Variants in OCA2 observed in about 807,000 individuals in gnomAD.
The protein encoded by OCA2 is P protein.
In OCA2, 77 loss-of-function variants were observed where a neutral mutation model predicts 100.2. The observed-to-expected ratio is 0.77, with a 90% CI of 0.64 to 0.93. OCA2 has a LOEUF of 0.93. Among genes scored for constraint, OCA2 ranks in the 40% least tolerant of loss-of-function variants. OCA2 has a pLI of 0.00. For missense variants in OCA2, 1,062 were observed against 1,089.1 expected, an observed-to-expected ratio of 0.98 and a Z score of 0.35; for synonymous variants, 432 against 439.2, an observed-to-expected ratio of 0.98 and a Z score of 0.21.
chr15:27,964,351 C>T (rs2040496505), intron 15 of OCA2, among the ~76,000 whole-genome samples: 1 of 152,180 alleles, frequency 6.6e-6, no homozygotes, highest in Non-Finnish European at 1.5e-5. Context: ...ATGAGTTGAA[C>T]ATTTGGTGAT....
chr15:27,851,121 G>A (rs558862547), intron 22 of OCA2, among the ~76,000 whole-genome samples: 24 of 152,254 alleles, frequency 1.6e-4, no homozygotes, highest in South Asian at 4.1e-4. Context: ...GGCACACGGC[G>A]GGAACACATT....
intron 2 of OCA2, among the ~76,000 whole-genome samples, chr15:28,036,698 C>A (rs2043054036): frequency 6.7e-6 from 1 of 149,832 alleles, no homozygotes; most frequent in Non-Finnish European, 1.5e-5. Context: ...ATCATATTGA[C>A]AAAAAATGAG....
chr15:27,834,498 G>A (rs1567005651), intron 23 of OCA2, among the ~76,000 whole-genome samples: 1 of 152,196 alleles, frequency 6.6e-6, no homozygotes, highest in Non-Finnish European at 1.5e-5. Flanking sequence ...AACCTGAGGT[G>A]AGGGGTTGCA....
At position 27,932,697 on chromosome 15, in the gene OCA2, T is replaced by TC. The variant is rs1259867262; in HGVS notation, c.1952-6444_1952-6443insG. On this transcript the variant is annotated intron_variant, in intron 18 of 23. Coordinates refer to ENST00000354638, the MANE Select transcript of OCA2 (RefSeq NM_000275.3). ...ATTTTTGTTGTGGTGGTTTGTTTGC[T>TC]TTTAGCTCCTGGAATTCAAATCAAT... Among the ~76,000 whole-genome samples the TC allele has an allele frequency of 1.1e-4, 17 of 152,296 alleles. No individual in the cohort carries two copies. In the East Asian group the frequency reaches 3.3e-3, roughly 29 times the overall value.
chr15:28,030,992 A>G (rs1310329222), intron 3 of OCA2, among the ~76,000 whole-genome samples: 1 of 152,138 alleles, frequency 6.6e-6, no homozygotes, highest in Admixed American at 6.5e-5. Context: ...GTTGATCTTC[A>G]TTGACAGATT....
At chr15:27,818,224 T>G (rs2034377042) in intron 23 of OCA2, among the ~76,000 whole-genome samples, 1 of 152,080 alleles carries the variant, frequency 6.6e-6, no homozygotes. Context: ...ACCCCATCTC[T>G]ACTAAGTATA....
chr15:28,095,352 G>T (rs574452208), intron 1 of OCA2, among the ~76,000 whole-genome samples: 2 of 152,064 alleles, frequency 1.3e-5, no homozygotes, highest in South Asian at 4.1e-4. Context: ...ACAGCCGGCA[G>T]CAGGCGCCGC....
chr15:27,917,172 C>T (rs558332589), intron 19 of OCA2, among the ~76,000 whole-genome samples: 8 of 151,690 alleles, frequency 5.3e-5, no homozygotes, highest in African/African-American at 1.9e-4. Context: ...TTGAATTAAG[C>T]TTTTGAATCA....
At chr15:27,891,205 G>A (rs1325501817) in intron 19 of OCA2, among the ~76,000 whole-genome samples, 2 of 152,064 alleles carry the variant, frequency 1.3e-5, no homozygotes. Flanking sequence ...TAATGGAAGT[G>A]GTATTGTCAC....
chr15:27,737,230 T>C, the OCA2 span, among the ~76,000 whole-genome samples: 3 of 152,236 alleles, frequency 2.0e-5, no homozygotes, highest in African/African-American at 7.2e-5. Flanking sequence ...ATGATTCTTC[T>C]CAAATTTATT....
At chr15:27,767,851 T>C (rs928495501) in intron 23 of OCA2, among the ~76,000 whole-genome samples, 11 of 152,224 alleles carry the variant, frequency 7.2e-5, no homozygotes, top group Non-Finnish European at 1.2e-4. Flanking sequence ...AGCTTTGTTC[T>C]TTCACTCTTC....
rs113231266 is a variant in OCA2 at position 28,019,137 on chromosome 15, T to C, written c.647-580A>G. On this transcript the variant is annotated intron_variant, in intron 6 of 23. Transcript: ENST00000354638. ...CCTCTGAATCTCACAGTCTCCTCCA[T>C]GTCCTCTGAGAGCCCAGGATGCAGC... Among the ~76,000 whole-genome samples, 560 of 152,104 alleles carry C rather than the reference T, an allele frequency of 3.7e-3. 4 individuals carry two copies. Among genetic ancestry groups the C allele is most frequent in the African/African-American group, 0.013 (538 of 41,464 alleles).
intron 23 of OCA2, among the ~76,000 whole-genome samples, chr15:27,824,839 G>T (rs559409575): frequency 6.6e-6 from 1 of 151,702 alleles, no homozygotes; most frequent in South Asian, 2.1e-4. Context: ...TCCCTCTGCC[G>T]AAGACAGGCC....
intron 10 of OCA2, among the ~76,000 whole-genome samples, 161 bp from the exon 11 acceptor site, chr15:27,989,827 A>G (rs2041489909): frequency 6.6e-6 from 1 of 152,196 alleles, no homozygotes; most frequent in Admixed American, 6.6e-5. Flanking sequence ...ATCGCTGCTG[A>G]AAAACAGTCT....
chr15:27,932,472 G>A (rs1423485578), intron 18 of OCA2, among the ~76,000 whole-genome samples: 1 of 151,830 alleles, frequency 6.6e-6, no homozygotes, highest in Non-Finnish European at 1.5e-5. Context: ...ATGGGGCGGG[G>A]CAGGGCAGAG....
At chr15:27,891,858 T>C (rs886507118) in intron 19 of OCA2, among the ~76,000 whole-genome samples, 1 of 151,590 alleles carries the variant, frequency 6.6e-6, no homozygotes, top group African/African-American at 2.4e-5. Flanking sequence ...ATTGAAAAAA[T>C]AACCCAACTA....
intron 2 of OCA2, among the ~76,000 whole-genome samples, chr15:28,036,641 G>A (rs1366969253): frequency 6.6e-6 from 1 of 151,926 alleles, no homozygotes. Flanking sequence ...TAGATCCCTT[G>A]GTTCTTTCTA....
At chr15:27,958,756 T>C (rs920374208) in intron 15 of OCA2, among the ~76,000 whole-genome samples, 1 of 152,140 alleles carries the variant, frequency 6.6e-6, no homozygotes, top group African/African-American at 2.4e-5. Context: ...TAAAAGAATA[T>C]AAGAAAGCAC....
intron 9 of OCA2, among the ~76,000 whole-genome samples, chr15:27,999,095 T>G (rs866026854): frequency 3.1e-3 from 476 of 152,012 alleles, no homozygotes; most frequent in African/African-American, 0.011. Context: ...ATATACCTAA[T>G]GCTAAATGAC....
Sources: gnomAD v4.1 joint callset for allele counts (sites outside exome capture counted in the v4.1 genomes callset) on GRCh38, gnomAD v4.1.1 for gene constraint, MANE v1.5 for transcripts, NCBI Gene and HGNC (gene_info 2026-07-23, HGNC 2026-07-21) for gene names.